Variants in CDH10 observed in about 807,000 individuals in gnomAD.
The protein encoded by CDH10 is cadherin 10.
A neutral mutation model predicts 73.1 loss-of-function variants in CDH10; 30 were observed. That is an observed-to-expected ratio of 0.41 (90% CI 0.31 to 0.56). CDH10 has a LOEUF of 0.56. CDH10 is among the 20% of genes least tolerant of loss of function. CDH10 has a pLI of 0.27. For synonymous variants in CDH10, 345 were observed against 348.2 expected (o/e 0.99, Z 0.10); for missense variants, 815 against 973.7 (o/e 0.84, Z 2.17).
In CDH10 at chr5:24,581,154, A is replaced by G. The variant is rs142495117; in HGVS notation, c.231+12106T>C. On this transcript the variant is annotated intron_variant, in intron 2 of 11. Coordinates refer to ENST00000264463, the MANE Select transcript of CDH10 (RefSeq NM_006727.5). ...CCCTAGGGATTCTGGGCACCCCCCG[A>G]CCCATTACCTCTTTTCCAACCTCTT... Among the ~76,000 whole-genome samples the G allele has an allele frequency of 8.0e-4, 121 of 152,152 alleles. 2 individuals are homozygous for G. In the East Asian group the frequency reaches 0.023, roughly 29 times the overall value.
chr5:24,521,475 C>T (rs1293743883), intron 5 of CDH10, among the ~76,000 whole-genome samples: 1 of 152,006 alleles, frequency 6.6e-6, no homozygotes, highest in Non-Finnish European at 1.5e-5. Flanking sequence ...GGCATGGTAG[C>T]GCATGCCTGT....
At chr5:24,561,519 A>T (rs189612659) in intron 2 of CDH10, among the ~76,000 whole-genome samples, 1 of 152,012 alleles carries the variant, frequency 6.6e-6, no homozygotes, top group Non-Finnish European at 1.5e-5. Flanking sequence ...ATCGTTCGCG[A>T]CCCTACTGCA....
rs1191496111 is a variant in CDH10 at position 24,492,881 on chromosome 5, A to T, written c.1560T>A (p.Gly520=). 1 of 1,587,032 alleles carries T rather than the reference A, an allele frequency of 6.3e-7. No individual in the cohort carries two copies. The change falls in exon 10 of 12, where the codon GGT becomes GGA. Residue 520 remains glycine (G), a synonymous_variant. Transcript: ENST00000264463. ...ISAVDKDDPL[G]GQKFFFSLAA... is the part of the protein sequence containing the mutation. The stretch of plus-strand genomic sequence containing the variant: ...CTAAACTGAAAAAAAATTTCTGTCC[A>T]CCTAAAGGGTCATCTTTGTCTACTG...
Position 24,568,098 on chromosome 5 carries a change from G to A in CDH10, c.231+25162C>T, listed in dbSNP as rs186502752. 2.6e-5 allele frequency among the ~76,000 whole-genome samples: 4 copies of A among 152,154 alleles called. No individual in the cohort carries two copies. In the East Asian group the frequency reaches 5.8e-4, roughly 22 times the overall value. On this transcript the variant is annotated intron_variant, in intron 2 of 11. Coordinates refer to ENST00000264463, the MANE Select transcript of CDH10 (RefSeq NM_006727.5). ...CTATTCTCCAGAAAAATATCCACAAGACTGTTTGCCTGAATTATTTTGAGT... is the reference window on the plus strand; with the variant it reads ...CTATTCTCCAGAAAAATATCCACAAAACTGTTTGCCTGAATTATTTTGAGT...
At chr5:24,548,004 T>C (rs1051157153) in intron 2 of CDH10, among the ~76,000 whole-genome samples, 2 of 152,098 alleles carry the variant, frequency 1.3e-5, no homozygotes, top group African/African-American at 4.8e-5. Flanking sequence ...ATTGTCAGGG[T>C]TGGCAAGTCC....
chr5:24,544,659 G>T (rs1336293043), intron 2 of CDH10, among the ~76,000 whole-genome samples: 1 of 152,100 alleles, frequency 6.6e-6, no homozygotes, highest in Non-Finnish European at 1.5e-5. Flanking sequence ...TTGTGCTTGT[G>T]GCCACTTCTG....
At chr5:24,523,721 T>C (rs964741175) in intron 5 of CDH10, among the ~76,000 whole-genome samples, 1 of 152,158 alleles carries the variant, frequency 6.6e-6, no homozygotes, top group Non-Finnish European at 1.5e-5. Flanking sequence ...TTATTACTGT[T>C]TTTTATTTTT....
chr5:24,521,645 A>C (rs1374587966), intron 5 of CDH10, among the ~76,000 whole-genome samples: 2 of 152,100 alleles, frequency 1.3e-5, no homozygotes, highest in Non-Finnish European at 2.9e-5. Flanking sequence ...AAGCATAAAA[A>C]CATGACTAGA....
intron 2 of CDH10, among the ~76,000 whole-genome samples, chr5:24,567,270 A>G (rs1745198017): frequency 6.6e-6 from 1 of 151,984 alleles, no homozygotes; most frequent in African/African-American, 2.4e-5. Flanking sequence ...TTTTACATAT[A>G]TCCACCTGAG....
At chr5:24,605,566 G>T (rs990821457) in intron 1 of CDH10, among the ~76,000 whole-genome samples, 1 of 152,186 alleles carries the variant, frequency 6.6e-6, no homozygotes. Context: ...GCACCAAAAA[G>T]GTTGGAGACC....
intron 1 of CDH10, among the ~76,000 whole-genome samples, chr5:24,623,864 T>C (rs1035904240): frequency 1.3e-5 from 2 of 152,198 alleles, no homozygotes; most frequent in African/African-American, 2.4e-5. Flanking sequence ...ATACCAGTGA[T>C]GAAAATGAAA....
intron 7 of CDH10, 112 bp downstream of exon 7, chr5:24,509,454 T>C: frequency 1.2e-6 from 1 of 833,384 alleles, no homozygotes; most frequent in Non-Finnish European, 1.9e-6. Context: ...TTGGCCAGGC[T>C]GGTCTCGAAC....
At chr5:24,576,781 C>G (rs1745619326) in intron 2 of CDH10, among the ~76,000 whole-genome samples, 1 of 151,952 alleles carries the variant, frequency 6.6e-6, no homozygotes, top group East Asian at 1.9e-4. Flanking sequence ...AATTGGCAGT[C>G]CCTTAAGAGT....
At chr5:24,569,976 G>A (rs1474196011) in intron 2 of CDH10, among the ~76,000 whole-genome samples, 1 of 151,908 alleles carries the variant, frequency 6.6e-6, no homozygotes, top group East Asian at 1.9e-4. Flanking sequence ...ATATTGGACG[G>A]GCTGTTCTCG....
At chr5:24,601,340 T>A (rs2112117733) in intron 1 of CDH10, among the ~76,000 whole-genome samples, 1 of 152,318 alleles carries the variant, frequency 6.6e-6, no homozygotes, top group South Asian at 2.1e-4. Context: ...ACAGTTAGTG[T>A]CATAACCAGA....
intron 2 of CDH10, among the ~76,000 whole-genome samples, chr5:24,571,453 A>G (rs1259430963): frequency 6.6e-6 from 1 of 152,154 alleles, no homozygotes; most frequent in Non-Finnish European, 1.5e-5. Flanking sequence ...AAGAAAATAA[A>G]TTAATTTGAG....
intron 5 of CDH10, among the ~76,000 whole-genome samples, chr5:24,527,442 G>A (rs1391201339): frequency 2.0e-5 from 3 of 150,618 alleles, no homozygotes; most frequent in African/African-American, 7.3e-5. Flanking sequence ...AAAATATATA[G>A]AGTCATGTTT....
intron 2 of CDH10, among the ~76,000 whole-genome samples, chr5:24,572,165 A>C (rs757001886): frequency 4.6e-5 from 7 of 152,102 alleles, no homozygotes; most frequent in Non-Finnish European, 8.8e-5. Flanking sequence ...ATCAAAATTA[A>C]CCTGGAACTT....
At position 24,505,250 on chromosome 5, in the gene CDH10, T is replaced by TG. The variant is rs1478806163; in HGVS notation, c.1257-3dup. ...TCAGTATGGCGATCCAAGGAAAATC[T>TG]GAACATGGAGGGCAAGAAAAAATAC... On this transcript the variant is annotated splice_region_variant and splice_polypyrimidine_tract_variant and intron_variant, in intron 7 of 11. Coordinates refer to ENST00000264463, the MANE Select transcript of CDH10 (RefSeq NM_006727.5). 2 of 1,612,408 alleles carry TG rather than the reference T, an allele frequency of 1.2e-6. No individual in the cohort carries two copies. Among genetic ancestry groups the TG allele is most frequent in the Non-Finnish European group, 1.7e-6 (2 of 1,179,010 alleles).
Sources: gnomAD v4.1 joint callset for allele counts (sites outside exome capture counted in the v4.1 genomes callset) on GRCh38, gnomAD v4.1.1 for gene constraint, MANE v1.5 for transcripts, NCBI Gene and HGNC (gene_info 2026-07-23, HGNC 2026-07-21) for gene names.